Variants in RAB6B observed in about 807,000 individuals in gnomAD.
RAB6B encodes the protein ras-related protein Rab-6B.
In RAB6B, 7 loss-of-function variants were observed where a neutral mutation model predicts 31.2. The ratio of observed to expected loss-of-function variants is 0.22; its 90% confidence interval spans 0.13 to 0.42. The LOEUF (loss-of-function observed/expected upper bound fraction) is 0.42. Among genes scored for constraint, RAB6B ranks in the 10% least tolerant of loss-of-function variants. The pLI, the probability that RAB6B is intolerant of heterozygous loss-of-function variation, is 1.00. For missense variants in RAB6B, 149 were observed against 280.6 expected, an observed-to-expected ratio of 0.53 and a Z score of 3.35; for synonymous variants, 105 against 104.9, an observed-to-expected ratio of 1.00 and a Z score of -0.01.
At chr3:133,830,149 C>T (rs1935635067) in intron 7 of RAB6B, among the ~76,000 whole-genome samples, 1 of 152,248 alleles carries the variant, frequency 6.6e-6, no homozygotes, top group African/African-American at 2.4e-5. Flanking sequence ...TTTCTCTCTG[C>T]CAGCTGCAGT....
intron 2 of RAB6B, among the ~76,000 whole-genome samples, chr3:133,855,928 A>G (rs554141742): frequency 6.6e-6 from 1 of 152,252 alleles, no homozygotes; most frequent in Non-Finnish European, 1.5e-5. Context: ...TCTGGCCAAT[A>G]AGACACAGGA....
chr3:133,843,027 T>C (rs2107992407), intron 2 of RAB6B, among the ~76,000 whole-genome samples: 1 of 152,356 alleles, frequency 6.6e-6, no homozygotes, highest in South Asian at 2.1e-4. Flanking sequence ...CACCAATGTG[T>C]GTGCACAAGT....
At chr3:133,841,714 G>A (rs967325485) in intron 2 of RAB6B, 51 bp from the exon 3 acceptor site, 1 of 1,595,194 alleles carries the variant, frequency 6.3e-7, no homozygotes, top group East Asian at 2.2e-5. Context: ...TCATGCAAAG[G>A]GGCAAAAGCC....
chr3:133,878,193 A>T (rs1936421591), intron 1 of RAB6B, among the ~76,000 whole-genome samples: 1 of 152,176 alleles, frequency 6.6e-6, no homozygotes, highest in Non-Finnish European at 1.5e-5. Context: ...CAGATTCAAA[A>T]ATCCCAAGCA....
intron 1 of RAB6B, among the ~76,000 whole-genome samples, chr3:133,880,679 C>A (rs1936454995): frequency 6.6e-6 from 1 of 152,252 alleles, no homozygotes; most frequent in East Asian, 1.9e-4. Flanking sequence ...CTTCCATACA[C>A]CCTCACACAG....
chr3:133,827,953 C>A lies in RAB6B; in HGVS notation c.*835G>T, dbSNP rs1935596252. On this transcript the variant is annotated 3_prime_UTR_variant, in exon 8 of 8. Transcript: ENST00000285208. Reference sequence around the variant, plus strand: ...ACACATGGCACCCCAGTCTATAAACCACGCACCACGCAGCTGCAATTGCCA... The same window carrying A: ...ACACATGGCACCCCAGTCTATAAACAACGCACCACGCAGCTGCAATTGCCA... 1.4e-6 allele frequency: 1 copy of A among 702,948 alleles called. No individual in the cohort carries two copies. The highest frequency in any genetic ancestry group is 2.6e-6 in the Non-Finnish European group (1 of 385,002). 43.5% of individuals were successfully genotyped at this position (702,948 alleles called of 1,614,324 possible).
chr3:133,862,681 CAGT>C (rs1348155224), intron 2 of RAB6B, among the ~76,000 whole-genome samples: 1 of 152,064 alleles, frequency 6.6e-6, no homozygotes, highest in East Asian at 1.9e-4. Flanking sequence ...GGGGGACAAG[CAGT>C]AGGCAATGGG....
chr3:133,841,173 CGTGT>C, intron 4 of RAB6B, 108 bp downstream of exon 4: 1 of 703,622 alleles, frequency 1.4e-6, no homozygotes, highest in East Asian at 2.8e-5. Context: ...CACACACATG[CGTGT>C]GCACACACAT....
chr3:133,892,153 G>A (rs566335167), intron 1 of RAB6B, among the ~76,000 whole-genome samples: 1 of 152,180 alleles, frequency 6.6e-6, no homozygotes, highest in Non-Finnish European at 1.5e-5. Context: ...TGCCCCAGTC[G>A]GGACTGACAT....
At chr3:133,866,750 A>G (rs1235784999) in intron 1 of RAB6B, among the ~76,000 whole-genome samples, 1 of 152,226 alleles carries the variant, frequency 6.6e-6, no homozygotes, top group African/African-American at 2.4e-5. Flanking sequence ...CACAGAGGGG[A>G]AAGTGGGGCA....
At chr3:133,876,662 C>T (rs1239483821) in intron 1 of RAB6B, among the ~76,000 whole-genome samples, 2 of 152,146 alleles carry the variant, frequency 1.3e-5, no homozygotes, top group Non-Finnish European at 2.9e-5. Context: ...GTAAGATTCA[C>T]AGTGTTCAGG....
Position 133,827,551 on chromosome 3 carries a change from A to G in RAB6B, c.*1237T>C, listed in dbSNP as rs1237250382. 1 of 257,962 alleles carries G rather than the reference A, an allele frequency of 3.9e-6. No individual in the cohort carries two copies. The highest frequency in any genetic ancestry group is 7.4e-6 in the Non-Finnish European group (1 of 135,586). 16.0% of individuals were successfully genotyped at this position (257,962 alleles called of 1,614,324 possible). A position where few individuals can be genotyped will look rare whatever the true frequency, so the allele number is the denominator to read the frequency against. On this transcript the variant is annotated 3_prime_UTR_variant, in exon 8 of 8. Transcript: ENST00000285208. ...GGGCAAGCAGCCTTCTGGAGACCCC[A>G]CCTGAACCACATCCTCAGGTGACCA...
chr3:133,842,125 AGGCAGCTTGCTGCTGTGT>A (rs1283271324), intron 2 of RAB6B, among the ~76,000 whole-genome samples: 1 of 152,248 alleles, frequency 6.6e-6, no homozygotes, highest in Admixed American at 6.5e-5. Flanking sequence ...GGGCAGGAGC[AGGCAGCTTGCTGCTGTGT>A]GGGTGCAAAC....
At chr3:133,864,432 G>C in intron 2 of RAB6B, 152 bp downstream of exon 2, 1 of 726,662 alleles carries the variant, frequency 1.4e-6, no homozygotes, top group Non-Finnish European at 2.4e-6. Flanking sequence ...CTCTTTACAG[G>C]GATGGGGCCA....
At chr3:133,836,006 G>A (rs2715636) in intron 6 of RAB6B, among the ~76,000 whole-genome samples, 147,451 of 152,332 alleles carry the variant, frequency 0.97, 71,912 homozygotes, top group Non-Finnish European at 1. Flanking sequence ...CCTCACAAAT[G>A]TGAATTGCAG....
intron 1 of RAB6B, among the ~76,000 whole-genome samples, chr3:133,892,233 T>A (rs767764017): frequency 6.6e-6 from 1 of 152,058 alleles, no homozygotes; most frequent in Non-Finnish European, 1.5e-5. Flanking sequence ...CAGAGAGCCA[T>A]CTGGCACCAG....
At chr3:133,844,311 C>T (rs1342764741) in intron 2 of RAB6B, among the ~76,000 whole-genome samples, 1 of 152,202 alleles carries the variant, frequency 6.6e-6, no homozygotes, top group Non-Finnish European at 1.5e-5. Flanking sequence ...CCATCTTCTC[C>T]AGCTCTCTCT....
chr3:133,837,406 T>C (rs1048974745), intron 6 of RAB6B, among the ~76,000 whole-genome samples: 1 of 152,182 alleles, frequency 6.6e-6, no homozygotes, highest in African/African-American at 2.4e-5. Context: ...AGATGTGAAG[T>C]TCAAGATACC....
chr3:133,895,560 G>T lies in RAB6B; in HGVS notation c.-94C>A. 7.6e-7 allele frequency: 1 copy of T among 1,320,850 alleles called. No homozygotes were observed. Among genetic ancestry groups the T allele is most frequent in the Non-Finnish European group, 1.1e-6 (1 of 937,452 alleles). The allele number at this position is 1,320,850 out of a possible 1,614,324, so 81.8% of individuals were successfully genotyped here. ...AGGGCGAGGGGAGGCGGCCGGCGGTGCGGGAGCCGGAGGGGGAAGGGCTGG... is the reference window on the plus strand; with the variant it reads ...AGGGCGAGGGGAGGCGGCCGGCGGTTCGGGAGCCGGAGGGGGAAGGGCTGG... On this transcript the variant is annotated 5_prime_UTR_variant, in exon 1 of 8. Transcript: ENST00000285208.
Sources: allele counts gnomAD v4.1 joint callset (sites outside exome capture counted in the v4.1 genomes callset), GRCh38; gene constraint gnomAD v4.1.1; transcripts MANE v1.5; gene names NCBI Gene and HGNC (gene_info 2026-07-23, HGNC 2026-07-21).